MTMR8: variants seen among roughly 807,000 people sequenced by gnomAD.
MTMR8 encodes the protein myotubularin related protein 8.
MTMR8 carries 65 observed loss-of-function variants against 39.3 expected under a neutral mutation model. The ratio of observed to expected loss-of-function variants is 1.65; its 90% CI spans 1.35 to 2.03. The LOEUF is 2.03. Among genes scored for constraint, MTMR8 ranks in the 30% most tolerant of loss-of-function variants. The pLI, the probability that MTMR8 is intolerant of heterozygous loss-of-function variation, is 0.00. For missense variants in MTMR8, 777 were observed against 538.9 expected, an observed-to-expected ratio of 1.44 and a Z score of -4.37; for synonymous variants, 245 against 185.2, an observed-to-expected ratio of 1.32 and a Z score of -2.62.
intron 1 of MTMR8, among the ~76,000 whole-genome samples, chrX:64,371,901 G>GATC (rs1924139504): frequency 2.7e-5 from 3 of 109,722 alleles, no homozygotes; most frequent in Middle Eastern, 4.8e-3. Flanking sequence ...AAATTAACTA[G>GATC]ATCTGAAATT....
rs189715632 is a variant in MTMR8, at chrX:64,268,231, G to A, written c.*306C>T. 1.2e-4 allele frequency: 33 copies of A among 279,077 alleles called. No homozygotes were observed. The highest frequency in any genetic ancestry group is 8.5e-4 in the African/African-American group (31 of 36,616). The allele number at this position is 279,077 out of a possible 1,213,427, so 23.0% of individuals were successfully genotyped here. ...GTGAGGATAGAAAATAGGGCAGGTCGATCATTAAGGAAAACAGACAGTAGA... is the reference window on the plus strand; with the variant it reads ...GTGAGGATAGAAAATAGGGCAGGTCAATCATTAAGGAAAACAGACAGTAGA... On this transcript the variant is annotated 3_prime_UTR_variant, in exon 14 of 14. Transcript: ENST00000374852.
At chrX:64,380,125 C>A (rs1319258729) in intron 1 of MTMR8, among the ~76,000 whole-genome samples, 1 of 112,256 alleles carries the variant, frequency 8.9e-6, no homozygotes, top group Non-Finnish European at 1.9e-5. Flanking sequence ...AACCAGGGAA[C>A]TGACTTCACT....
At position 64,271,090 on chromosome X, in the gene MTMR8, TG is replaced by T; in HGVS notation, c.1482-18del. ...CACCAGAACCTCAAATAGACAAAAA[TG>T]GGGGGAAAAGTGGGTTAGTTTAGCT... On this transcript the variant is annotated intron_variant, in intron 12 of 13. Coordinates refer to ENST00000374852, the MANE Select transcript of MTMR8 (RefSeq NM_017677.4). 1 of 1,175,541 alleles carries T rather than the reference TG, an allele frequency of 8.5e-7. No individual in the cohort carries two copies. Among genetic ancestry groups the T allele is most frequent in the Non-Finnish European group, 1.1e-6 (1 of 878,981 alleles).
chrX:64,382,871 T>A (rs780352728), intron 1 of MTMR8, among the ~76,000 whole-genome samples: 2 of 111,450 alleles, frequency 1.8e-5, no homozygotes, highest in Non-Finnish European at 3.8e-5. Flanking sequence ...GATTATTTGG[T>A]CCCACCCCTA....
intron 11 of MTMR8, 123 bp downstream of exon 11, chrX:64,331,434 C>A (rs942760061): frequency 4.0e-5 from 23 of 569,091 alleles, no homozygotes; most frequent in South Asian, 2.4e-4. Flanking sequence ...TTCAAAAGTT[C>A]TTTTTATTAT....
intron 12 of MTMR8, among the ~76,000 whole-genome samples, chrX:64,310,185 C>A (rs1343513845): frequency 8.9e-6 from 1 of 111,838 alleles, no homozygotes; most frequent in African/African-American, 3.2e-5. Context: ...TATTATAAAT[C>A]CTTTGCTATC....
intron 12 of MTMR8, among the ~76,000 whole-genome samples, chrX:64,272,920 T>C (rs946630334): frequency 6.3e-5 from 7 of 111,326 alleles, no homozygotes; most frequent in African/African-American, 2.0e-4. Flanking sequence ...TATGAACCAA[T>C]AATGATATAT....
chrX:64,312,299 CTGTT>C (rs1260278946), intron 12 of MTMR8, among the ~76,000 whole-genome samples: 2 of 111,698 alleles, frequency 1.8e-5, no homozygotes, highest in South Asian at 3.8e-4. Flanking sequence ...ATTTGGCTCT[CTGTT>C]TGTTTGTTAT....
intron 12 of MTMR8, among the ~76,000 whole-genome samples, chrX:64,296,564 C>A (rs1921592879): frequency 9.7e-6 from 1 of 102,760 alleles, no homozygotes; most frequent in African/African-American, 3.9e-5. Context: ...GTATATGGAC[C>A]CTATGCTGGT....
intron 1 of MTMR8, among the ~76,000 whole-genome samples, chrX:64,383,114 C>T (rs1472660907): frequency 9.0e-6 from 1 of 111,410 alleles, no homozygotes; most frequent in Non-Finnish European, 1.9e-5. Context: ...GTCCTTACTA[C>T]AACACAGTGC....
At chrX:64,308,320 ATTTTTTT>A (rs778962275) in intron 12 of MTMR8, among the ~76,000 whole-genome samples, 15 of 69,574 alleles carry the variant, frequency 2.2e-4, no homozygotes, top group Non-Finnish European at 3.1e-4. Context: ...ACGGCTGGCT[ATTTTTTT>A]TTTTTTTTTT....
Position 64,360,222 on chromosome X carries a change from C to T in MTMR8, c.25-695G>A, listed in dbSNP as rs941577341. The T allele has an allele frequency of 4.7e-5, 7 of 148,424 alleles. No individual in the cohort carries two copies. The East Asian group carries it at 5.7e-4, about 12-fold the overall frequency. The allele number at this position is 148,424 out of a possible 1,213,427, so 12.2% of individuals were successfully genotyped here. ...TCAATATCTGACTAAATAGAATTTA[C>T]GTGACAAAAATCAACAGGACAAGAA... On this transcript the variant is annotated intron_variant, in intron 1 of 13. Coordinates refer to ENST00000374852, the MANE Select transcript of MTMR8 (RefSeq NM_017677.4).
intron 12 of MTMR8, among the ~76,000 whole-genome samples, chrX:64,304,865 TATATATATATA>T (rs1922030595): frequency 3.4e-5 from 1 of 29,459 alleles, no homozygotes; most frequent in African/African-American, 1.3e-3. Context: ...AACATTTATA[TATATATATATA>T]TATATATATA....
At chrX:64,319,261 C>T (rs1400097498) in intron 12 of MTMR8, among the ~76,000 whole-genome samples, 2 of 112,179 alleles carry the variant, frequency 1.8e-5, no homozygotes, top group African/African-American at 6.5e-5. Flanking sequence ...TAAACTTACA[C>T]CAACTACAAA....
intron 1 of MTMR8, among the ~76,000 whole-genome samples, chrX:64,363,308 G>A (rs1342256876): frequency 2.7e-5 from 3 of 112,203 alleles, no homozygotes; most frequent in Non-Finnish European, 5.6e-5. Context: ...TGGTGGTGGG[G>A]CCTGGTGGGA....
intron 1 of MTMR8, among the ~76,000 whole-genome samples, chrX:64,366,280 C>T (rs1019729022): frequency 2.7e-5 from 3 of 111,780 alleles, no homozygotes; most frequent in African/African-American, 9.8e-5. Context: ...CAGCACTATC[C>T]ACCCCAAATC....
chrX:64,389,768 C>T (rs1363633329), intron 1 of MTMR8, among the ~76,000 whole-genome samples: 1 of 111,950 alleles, frequency 8.9e-6, no homozygotes, highest in Non-Finnish European at 1.9e-5. Flanking sequence ...TTATAATGTG[C>T]CAGGCCCTCA....
At chrX:64,277,036 G>A (rs774805965) in intron 12 of MTMR8, among the ~76,000 whole-genome samples, 1 of 111,288 alleles carries the variant, frequency 9.0e-6, no homozygotes, top group Admixed American at 9.5e-5. Flanking sequence ...ACCTTTGTTG[G>A]TTTAAAGTCT....
In MTMR8 at chrX:64,308,762, A is replaced by G. The variant is rs766119415; in HGVS notation, c.1481+20010T>C. Among the ~76,000 whole-genome samples, 47 of 111,527 alleles carry G rather than the reference A, an allele frequency of 4.2e-4. 1 individual carries two copies. The highest frequency in any genetic ancestry group is 1.5e-3 in the African/African-American group (45 of 30,722). Reference sequence around the variant, plus strand: ...TGTTATATAACCTATATTGAGTTAAATTTTGTGGAGTGTGTAAGCTCTGTG... The same window carrying G: ...TGTTATATAACCTATATTGAGTTAAGTTTTGTGGAGTGTGTAAGCTCTGTG... On this transcript the variant is annotated intron_variant, in intron 12 of 13. Transcript: ENST00000374852.
Sources: gnomAD v4.1 joint callset for allele counts (sites outside exome capture counted in the v4.1 genomes callset) on GRCh38, gnomAD v4.1.1 for gene constraint, MANE v1.5 for transcripts, NCBI Gene and HGNC (gene_info 2026-07-23, HGNC 2026-07-21) for gene names.